Variants in FAM117A observed in about 807,000 individuals in gnomAD.
FAM117A encodes protein FAM117A.
FAM117A carries 21 observed loss-of-function variants against 44.1 expected under a neutral mutation model. The ratio of observed to expected loss-of-function variants is 0.48; its 90% CI spans 0.34 to 0.69. FAM117A has a LOEUF of 0.69. Ranked by LOEUF, FAM117A falls within the 30% of genes least tolerant of loss-of-function variation. The pLI is 0.01. For synonymous variants in FAM117A, 220 were observed against 238.3 expected, an observed-to-expected ratio of 0.92 and a Z score of 0.71; for missense variants, 498 against 589.9, an observed-to-expected ratio of 0.84 and a Z score of 1.61.
Position 49,719,885 on chromosome 17 carries a change from G to A in FAM117A, c.583C>T (p.Pro195Ser). The change falls in exon 5 of 8, where the codon CCC (proline) becomes TCC (serine). Residue 195 changes from proline to serine, a missense_variant. Pro to Ser is a moderately conservative substitution (Grantham distance 74). Coordinates refer to ENST00000240364, the MANE Select transcript of FAM117A (RefSeq NM_030802.4). ...ACAGGGGACCCTGAGGGGAAGCTGG[G>A]AGGGGACGCCTGAGGAAGAGGCAAA... ...AVRGALRASP[P>S]SFPSGSPVLR... 1 of 1,603,490 alleles carries A rather than the reference G, an allele frequency of 6.2e-7. No individual in the cohort carries two copies. The highest frequency in any genetic ancestry group is 8.5e-7 in the Non-Finnish European group (1 of 1,177,190).
At chr17:49,777,206 A>T (rs1025268231) in intron 1 of FAM117A, among the ~76,000 whole-genome samples, 4 of 151,224 alleles carry the variant, frequency 2.6e-5, no homozygotes, top group Admixed American at 6.6e-5. Context: ...GCCTCAGGGT[A>T]GGGGTGGGGG....
intron 1 of FAM117A, among the ~76,000 whole-genome samples, chr17:49,786,421 T>C (rs1162055487): frequency 6.6e-6 from 1 of 152,160 alleles, no homozygotes; most frequent in South Asian, 2.1e-4. Context: ...AAAACAGTAA[T>C]GATATTCTTA....
chr17:49,788,777 C>A, upstream of FAM117A: 1 of 1,551,280 alleles, frequency 6.4e-7, no homozygotes, highest in Admixed American at 1.9e-5. Context: ...CCGGAGCCAC[C>A]GTTCCTGCTG....
At chr17:49,725,279 T>C (rs2073554643) in intron 2 of FAM117A, among the ~76,000 whole-genome samples, 1 of 152,238 alleles carries the variant, frequency 6.6e-6, no homozygotes, top group Non-Finnish European at 1.5e-5. Flanking sequence ...AGATGGGCTC[T>C]GAGTGTACAG....
At chr17:49,737,038 G>A (rs2073613668) in intron 1 of FAM117A, among the ~76,000 whole-genome samples, 1 of 152,184 alleles carries the variant, frequency 6.6e-6, no homozygotes, top group South Asian at 2.1e-4. Flanking sequence ...CTTTTACCAG[G>A]GGTTCTGACT....
intron 1 of FAM117A, among the ~76,000 whole-genome samples, chr17:49,734,119 G>A (rs1258082797): frequency 2.1e-5 from 3 of 144,452 alleles, no homozygotes; most frequent in African/African-American, 7.8e-5. Flanking sequence ...CTCCAGCCTG[G>A]ACAACAGAGC....
chr17:49,767,914 A>T (rs147150820), upstream of FAM117A, among the ~76,000 whole-genome samples: 908 of 151,566 alleles, frequency 6.0e-3, 6 homozygotes, highest in Admixed American at 7.7e-3. Flanking sequence ...ATAATAATAA[A>T]AAAAAAAAGT....
chr17:49,746,730 C>T (rs914152823), intron 1 of FAM117A, among the ~76,000 whole-genome samples: 1 of 152,118 alleles, frequency 6.6e-6, no homozygotes, highest in African/African-American at 2.4e-5. Flanking sequence ...AATGCAGAAA[C>T]CAGAGAGATC....
At chr17:49,758,772 A>G (rs1157728286) in intron 1 of FAM117A, among the ~76,000 whole-genome samples, 1 of 152,184 alleles carries the variant, frequency 6.6e-6, no homozygotes, top group East Asian at 1.9e-4. Context: ...TGATAGTGTC[A>G]GTAAGAACTC....
In FAM117A at chr17:49,783,558, C is replaced by CT; in HGVS notation, c.-621+4938dup. On this transcript the variant is annotated intron_variant, in intron 1 of 7. Transcript: ENST00000513602. Reference sequence around the variant, plus strand: ...CCCAGGGTGGGGCTGCGGGTGGGGGCTAAGGGTGCTACAAGATCCAAATTA... The same window carrying CT: ...CCCAGGGTGGGGCTGCGGGTGGGGGCTTAAGGGTGCTACAAGATCCAAATTA... Among the ~76,000 whole-genome samples, 3 of 152,148 alleles carry CT rather than the reference C, an allele frequency of 2.0e-5. No homozygotes were observed. The South Asian group carries it at 6.2e-4, about 32-fold the overall frequency.
chr17:49,742,911 T>A (rs2143755550), intron 1 of FAM117A, among the ~76,000 whole-genome samples: 1 of 152,320 alleles, frequency 6.6e-6, no homozygotes, highest in South Asian at 2.1e-4. Flanking sequence ...ATTGAAACTG[T>A]ACTCTGATTT....
chr17:49,776,867 G>T (rs2073776876), intron 1 of FAM117A, among the ~76,000 whole-genome samples: 1 of 152,216 alleles, frequency 6.6e-6, no homozygotes, highest in Admixed American at 6.5e-5. Flanking sequence ...AGACTTGACG[G>T]AAGAGGGTGG....
At chr17:49,719,151 ACTGGGGAGG>A (rs769419252) in intron 5 of FAM117A, among the ~76,000 whole-genome samples, 12 of 150,754 alleles carry the variant, frequency 8.0e-5, no homozygotes, top group Non-Finnish European at 1.2e-4. Context: ...AATCCCAGCT[ACTGGGGAGG>A]CTGAGGCAGA....
chr17:49,714,107 A>C lies in FAM117A; in HGVS notation c.1061+2058T>G, dbSNP rs191860561. 1.1e-3 allele frequency among the ~76,000 whole-genome samples: 160 copies of C among 152,324 alleles called. 2 individuals carry two copies. Among genetic ancestry groups the C allele is most frequent in the African/African-American group, 3.7e-3 (153 of 41,564 alleles). On this transcript the variant is annotated intron_variant, in intron 7 of 7. Transcript: ENST00000240364. ...ACCAAGGGGAGACCCAGCAACACTC[A>C]GAGAATATGATGGCAACCAGCATGA...
intron 1 of FAM117A, among the ~76,000 whole-genome samples, chr17:49,786,380 C>T (rs1329915623): frequency 6.6e-6 from 1 of 152,176 alleles, no homozygotes; most frequent in Admixed American, 6.5e-5. Flanking sequence ...ATAACTTCAC[C>T]ATCTCTGAGC....
At chr17:49,740,430 T>C (rs2073629197) in intron 1 of FAM117A, among the ~76,000 whole-genome samples, 1 of 152,156 alleles carries the variant, frequency 6.6e-6, no homozygotes, top group African/African-American at 2.4e-5. Context: ...TTTGTATTTT[T>C]AGTAGAGACG....
chr17:49,767,216 C>T (rs976265260), upstream of FAM117A, among the ~76,000 whole-genome samples: 8 of 152,124 alleles, frequency 5.3e-5, no homozygotes, highest in South Asian at 2.1e-4. Flanking sequence ...AAGATTAATC[C>T]GTCTGCTTCC....
chr17:49,773,611 C>T (rs1277605078), intron 1 of FAM117A, among the ~76,000 whole-genome samples: 2 of 152,154 alleles, frequency 1.3e-5, no homozygotes, highest in Non-Finnish European at 2.9e-5. Flanking sequence ...CCTGCAACTC[C>T]ATCTTCACCA....
chr17:49,719,969 A>T, intron 4 of FAM117A, 75 bp from the exon 5 acceptor site: 1 of 1,521,962 alleles, frequency 6.6e-7, no homozygotes, highest in Non-Finnish European at 8.8e-7. Context: ...GACCAGGGGT[A>T]ATGGTCATGT....
Sources: allele counts gnomAD v4.1 joint callset (sites outside exome capture counted in the v4.1 genomes callset), GRCh38; gene constraint gnomAD v4.1.1; transcripts MANE v1.5; gene names NCBI Gene and HGNC (gene_info 2026-07-23, HGNC 2026-07-21).